Variants in REPS1 observed in about 807,000 individuals in gnomAD.
REPS1 encodes RALBP1 associated Eps domain containing 1, also known as ralBP1-associated Eps domain-containing protein 1.
Under a neutral mutation model 100.9 loss-of-function variants are expected in REPS1, and 39 were observed. The observed-to-expected ratio is 0.39, with a 90% CI of 0.30 to 0.50. REPS1 has a LOEUF of 0.50. REPS1 is among the 20% of genes least tolerant of loss of function. The pLI, the probability that REPS1 is intolerant of heterozygous loss-of-function variation, is 0.86. For missense variants in REPS1, 821 were observed against 968.5 expected (o/e 0.85, Z 2.02); for synonymous variants, 324 against 340.3 (o/e 0.95, Z 0.53).
At chr6:138,969,859 A>ATTTTGTTT (rs1784235787) in intron 1 of REPS1, among the ~76,000 whole-genome samples, 1 of 94,636 alleles carries the variant, frequency 1.1e-5, no homozygotes, top group Non-Finnish European at 1.9e-5. Context: ...GTGAATTGGG[A>ATTTTGTTT]TTTTTTTTTT....
Position 138,945,516 on chromosome 6 carries a change from T to G in REPS1, c.459A>C (p.Thr153=). Residue 153 remains threonine, a synonymous_variant, in exon 3 of 20, where the codon ACA becomes ACC. Transcript: ENST00000450536. ...SVSHDTVQPR[T]SADAQEPASP... is the part of the protein sequence containing the mutation. Reference sequence around the variant, plus strand: ...ATGTGATTACCTGTGCATCTGCAGATGTACGAGGCTGAACCGTATCATGGC... The same window carrying G: ...ATGTGATTACCTGTGCATCTGCAGAGGTACGAGGCTGAACCGTATCATGGC... The G allele has an allele frequency of 6.2e-7, 1 of 1,603,642 alleles. No homozygotes were observed. Among genetic ancestry groups the G allele is most frequent in the Non-Finnish European group, 8.5e-7 (1 of 1,175,820 alleles).
chr6:138,958,171 A>G (rs562654249), intron 1 of REPS1, among the ~76,000 whole-genome samples: 1 of 152,340 alleles, frequency 6.6e-6, no homozygotes, highest in South Asian at 2.1e-4. Flanking sequence ...AATGTCTATA[A>G]CTGATAAACC....
intron 1 of REPS1, chr6:138,951,283 C>T (rs538998297): frequency 1.3e-5 from 2 of 152,172 alleles, no homozygotes; most frequent in South Asian, 4.1e-4. Context: ...TCAAAAACCA[C>T]ATAAAGATGT....
At chr6:138,915,271 G>A (rs902831260) in intron 14 of REPS1, 3 of 156,926 alleles carry the variant, frequency 1.9e-5, no homozygotes, top group African/African-American at 7.3e-5. Context: ...GCCAAATTGA[G>A]ACCTATCAGT....
intron 19 of REPS1, 120 bp downstream of exon 19, chr6:138,907,375 C>A: frequency 3.8e-6 from 2 of 521,584 alleles, no homozygotes; most frequent in Non-Finnish European, 3.4e-6. Context: ...GTCAAAGCAT[C>A]TAGAAAATTA....
chr6:138,936,593 G>C (rs190486849), intron 8 of REPS1, among the ~76,000 whole-genome samples: 1,524 of 141,994 alleles, frequency 0.011, 15 homozygotes, highest in Non-Finnish European at 0.017. Context: ...GCAGGGTGGG[G>C]GGGGAGACAG....
chr6:138,932,743 T>C (rs1479832340), intron 8 of REPS1, among the ~76,000 whole-genome samples: 3 of 152,238 alleles, frequency 2.0e-5, no homozygotes, highest in African/African-American at 7.2e-5. Context: ...TGATAATCTA[T>C]AATAATTCGG....
chr6:138,963,131 CTAAATAAA>C (rs71723969), intron 1 of REPS1, among the ~76,000 whole-genome samples: 2 of 147,516 alleles, frequency 1.4e-5, no homozygotes, highest in Non-Finnish European at 3.0e-5. Context: ...AACTAACTAA[CTAAATAAA>C]TAAATAAATA....
chr6:138,966,277 A>G (rs1582839237), intron 1 of REPS1, among the ~76,000 whole-genome samples: 4 of 149,058 alleles, frequency 2.7e-5, no homozygotes, highest in Admixed American at 1.3e-4. Context: ...TATATTTGTT[A>G]CCACTGGTCA....
At chr6:138,932,785 A>G (rs961490159) in intron 8 of REPS1, among the ~76,000 whole-genome samples, 1 of 152,222 alleles carries the variant, frequency 6.6e-6, no homozygotes, top group African/African-American at 2.4e-5. Flanking sequence ...TTTTTCAAAA[A>G]TGAACAAAGT....
At chr6:138,969,957 A>G (rs1295337304) in intron 1 of REPS1, among the ~76,000 whole-genome samples, 1 of 144,268 alleles carries the variant, frequency 6.9e-6, no homozygotes, top group Admixed American at 7.3e-5. Flanking sequence ...AGGCAATCCT[A>G]TTCGGGGTGC....
At chr6:138,970,873 T>C (rs1340304215) in intron 1 of REPS1, among the ~76,000 whole-genome samples, 2 of 152,140 alleles carry the variant, frequency 1.3e-5, no homozygotes, top group Admixed American at 1.3e-4. Flanking sequence ...AATCAGGTCA[T>C]TTGTTATTTG....
chr6:138,964,097 C>T (rs1221236334), intron 1 of REPS1, among the ~76,000 whole-genome samples: 1 of 152,178 alleles, frequency 6.6e-6, no homozygotes, highest in East Asian at 1.9e-4. Flanking sequence ...CATTGCTTTG[C>T]TTACACAACT....
intron 8 of REPS1, chr6:138,934,158 C>A: frequency 3.6e-6 from 1 of 280,468 alleles, no homozygotes; most frequent in Non-Finnish European, 7.5e-6. Context: ...GAGCTTCCTG[C>A]CCACCCACAA....
At chr6:138,979,258 C>A (rs1341763185) in intron 1 of REPS1, among the ~76,000 whole-genome samples, 2 of 150,632 alleles carry the variant, frequency 1.3e-5, no homozygotes, top group Non-Finnish European at 3.0e-5. Context: ...CAGTCAGGAT[C>A]CTGACCACTC....
intron 10 of REPS1, among the ~76,000 whole-genome samples, chr6:138,926,065 C>T (rs780392623): frequency 3.3e-5 from 5 of 152,172 alleles, no homozygotes; most frequent in Non-Finnish European, 7.4e-5. Context: ...ACAGATAATA[C>T]ATAAAGAGTC....
chr6:138,960,199 T>C (rs907356551), intron 1 of REPS1, among the ~76,000 whole-genome samples: 2 of 152,176 alleles, frequency 1.3e-5, no homozygotes, highest in African/African-American at 2.4e-5. Flanking sequence ...CCTACAAAAA[T>C]GCTTTAGAGC....
At chr6:138,920,999 T>A in intron 11 of REPS1, 38 bp downstream of exon 11, 2 of 1,399,928 alleles carry the variant, frequency 1.4e-6, no homozygotes, top group Non-Finnish European at 2.0e-6. Context: ...TTCAGTTTGA[T>A]GTAAAACTAA....
At chr6:138,974,769 C>T (rs577499584) in intron 1 of REPS1, among the ~76,000 whole-genome samples, 3 of 152,004 alleles carry the variant, frequency 2.0e-5, no homozygotes, top group Non-Finnish European at 2.9e-5. Context: ...ACTTTAAGGC[C>T]GGACATGGTG....
Sources: gnomAD v4.1 joint callset for allele counts (sites outside exome capture counted in the v4.1 genomes callset) on GRCh38, gnomAD v4.1.1 for gene constraint, MANE v1.5 for transcripts, NCBI Gene and HGNC (gene_info 2026-07-23, HGNC 2026-07-21) for gene names.